The following ANKRD1 variants were observed in gnomAD, a reference collection of about 807,000 sequenced individuals.
ANKRD1 encodes the protein ankyrin repeat domain-containing protein 1.
ANKRD1 carries 32 observed loss-of-function variants against 40.1 expected under a neutral mutation model. That is an observed-to-expected ratio of 0.80 (90% CI 0.60 to 1.07). ANKRD1 has a LOEUF of 1.07. ANKRD1 is among the 50% of genes least tolerant of loss of function. ANKRD1 has a pLI of 0.00. For missense variants in ANKRD1, 359 were observed against 386.0 expected (o/e 0.93, Z 0.59); for synonymous variants, 149 against 141.2 (o/e 1.06, Z -0.39).
intron 4 of ANKRD1, 149 bp from the exon 5 acceptor site, chr10:90,917,979 A>T (rs1488360555): frequency 1.5e-6 from 1 of 669,846 alleles, no homozygotes; most frequent in Non-Finnish European, 2.6e-6. Flanking sequence ...AAGTTAACTA[A>T]AATTGCAGAA....
At chr10:90,914,866 A>G (rs1847353783) in intron 8 of ANKRD1, among the ~76,000 whole-genome samples, 2 of 152,270 alleles carry the variant, frequency 1.3e-5, no homozygotes, top group South Asian at 2.1e-4. Flanking sequence ...ACCATGAGGA[A>G]AAGTTGGTTA....
intron 6 of ANKRD1, 123 bp downstream of exon 6, chr10:90,916,048 G>A: frequency 1.7e-6 from 1 of 591,342 alleles, no homozygotes; most frequent in South Asian, 1.6e-5. Flanking sequence ...AGGGGTGGGG[G>A]AGGAGGGAAG....
chr10:90,918,417 C>T (rs569321576), intron 4 of ANKRD1, among the ~76,000 whole-genome samples: 10 of 152,142 alleles, frequency 6.6e-5, no homozygotes, highest in African/African-American at 2.4e-4. Flanking sequence ...ATAAGGAAAC[C>T]ACAGCCCAGA....
chr10:90,914,931 A>G (rs190839223), intron 8 of ANKRD1, among the ~76,000 whole-genome samples: 564 of 152,350 alleles, frequency 3.7e-3, no homozygotes, highest in Middle Eastern at 0.031. Context: ...AAGAATTTTC[A>G]GGGCCTAAAT....
Position 90,915,557 on chromosome 10 carries a change from T to C in ANKRD1, c.835A>G (p.Asn279Asp), listed in dbSNP as rs1847358989. The C allele has an allele frequency of 6.2e-7, 1 of 1,613,830 alleles. No individual in the cohort carries two copies. The highest frequency in any genetic ancestry group is 1.3e-5 in the African/African-American group (1 of 74,904). Residue 279 changes from asparagine (N) to aspartate (D), a missense_variant, in exon 8 of 9, where the codon AAC becomes GAC. Physicochemically the swap from Asn to Asp is conservative, Grantham distance 23. Coordinates refer to ENST00000371697, the MANE Select transcript of ANKRD1 (RefSeq NM_014391.3). ...RLLIMYGADL[N>D]IKNCAGKTPM... ...CCAGTACTTACACAGTTCTTGATGTTGAGATCCGCGCCATACATAATCAGG... is the reference window on the plus strand; with the variant it reads ...CCAGTACTTACACAGTTCTTGATGTCGAGATCCGCGCCATACATAATCAGG...
At position 90,915,822 on chromosome 10, in the gene ANKRD1, T is replaced by C. The variant is rs145326465; in HGVS notation, c.710A>G (p.His237Arg). 3.1e-6 allele frequency: 5 copies of C among 1,613,638 alleles called. No individual in the cohort carries two copies. Among genetic ancestry groups the C allele is most frequent in the Admixed American group, 1.7e-5 (1 of 59,980 alleles). Residue 237 changes from histidine to arginine, a missense_variant, in exon 7 of 9, where the codon CAT becomes CGT. By Grantham distance (29) the His-to-Arg change is conservative (BLOSUM62 0). Transcript: ENST00000371697. ...VRTGHYECAEHLIACEADLNA... is the reference protein window; with the variant it reads ...VRTGHYECAERLIACEADLNA... ...GAGGTCTGCCTCACAGGCGATAAGA[T>C]GCTCCGCGCACTCATAGTGGCCAGT...
In ANKRD1 at chr10:90,919,140, A is replaced by G; in HGVS notation, c.336T>C (p.Pro112=). 6.2e-7 allele frequency: 1 copy of G among 1,612,688 alleles called. No individual in the cohort carries two copies. The highest frequency in any genetic ancestry group is 8.5e-7 in the Non-Finnish European group (1 of 1,179,642). Residue 112 remains proline, a synonymous_variant, in exon 3 of 9, where the codon CCT becomes CCC. Coordinates refer to ENST00000371697, the MANE Select transcript of ANKRD1 (RefSeq NM_014391.3). ...AAAAAAAAGCCCTTACAATGATTTCAGGTTCTGGTTCCTTTACAACTGGAA... is the reference window on the plus strand; with the variant it reads ...AAAAAAAAGCCCTTACAATGATTTCGGGTTCTGGTTCCTTTACAACTGGAA... ...TKVPVVKEPE[P]EIITEPVDVP...
At chr10:90,913,944 A>G (rs1450785969) in intron 8 of ANKRD1, among the ~76,000 whole-genome samples, 1 of 152,172 alleles carries the variant, frequency 6.6e-6, no homozygotes, top group Non-Finnish European at 1.5e-5. Flanking sequence ...TAAAAGAGTT[A>G]TGTGCACAGA....
At chr10:90,919,915 A>G (rs545215090) in intron 2 of ANKRD1, among the ~76,000 whole-genome samples, 47 of 152,344 alleles carry the variant, frequency 3.1e-4, no homozygotes, top group African/African-American at 1.1e-3. Context: ...TCAGGAATTC[A>G]CTGGACATGT....
rs574967117 is a variant in ANKRD1 at position 90,919,043 on chromosome 10, G to T, written c.346-71C>A. 6.8e-5 allele frequency: 107 copies of T among 1,571,582 alleles called. 1 individual carries two copies. In the African/African-American group the frequency reaches 1.0e-3, roughly 15 times the overall value. ...CATGAGAGTTACCGTGAGCTTGCCA[G>T]CATTCAATCAAACCCTCCACAGATA... On this transcript the variant is annotated intron_variant, in intron 3 of 8. Transcript: ENST00000371697.
intron 6 of ANKRD1, 47 bp from the exon 7 acceptor site, chr10:90,915,927 G>T: frequency 6.4e-7 from 1 of 1,573,922 alleles, no homozygotes; most frequent in Non-Finnish European, 8.7e-7. Context: ...TGAGGACAGA[G>T]GCTGTCCCAG....
intron 8 of ANKRD1, 126 bp from the exon 9 acceptor site, chr10:90,913,102 A>T: frequency 2.2e-6 from 2 of 891,604 alleles, no homozygotes; most frequent in Non-Finnish European, 3.7e-6. Flanking sequence ...GGTTTCCACC[A>T]GGAGTGATCT....
At chr10:90,919,810 T>TAGC (rs1186277380) in intron 2 of ANKRD1, among the ~76,000 whole-genome samples, 1 of 152,238 alleles carries the variant, frequency 6.6e-6, no homozygotes, top group East Asian at 1.9e-4. Flanking sequence ...TCAACACAGA[T>TAGC]AGCAGACAGT....
chr10:90,913,271 T>C (rs1271462270), intron 8 of ANKRD1, among the ~76,000 whole-genome samples: 1 of 152,234 alleles, frequency 6.6e-6, no homozygotes, highest in East Asian at 1.9e-4. Context: ...TTTTGAAATT[T>C]ATAAAATGTC....
chr10:90,921,039 G>T lies in ANKRD1; in HGVS notation c.-12C>A. ...TTCAGTACCATCATGTTGGCTGAAG[G>T]AGTCTTGTATGTTTTTCTGTCGTGG... On this transcript the variant is annotated 5_prime_UTR_variant, in exon 1 of 9. Coordinates refer to ENST00000371697, the MANE Select transcript of ANKRD1 (RefSeq NM_014391.3). 2 of 1,613,910 alleles carry T rather than the reference G, an allele frequency of 1.2e-6. No homozygotes were observed. Among genetic ancestry groups the T allele is most frequent in the East Asian group, 2.2e-5 (1 of 44,878 alleles).
intron 5 of ANKRD1, among the ~76,000 whole-genome samples, chr10:90,917,396 G>A (rs991128034): frequency 1.3e-5 from 2 of 152,228 alleles, no homozygotes; most frequent in Non-Finnish European, 2.9e-5. Context: ...CCAACCATAA[G>A]CAGGCTGCCC....
rs562300152 is a variant in ANKRD1, at chr10:90,915,628, G to C, written c.764C>G (p.Pro255Arg). 1 of 1,613,780 alleles carries C rather than the reference G, an allele frequency of 6.2e-7. No individual in the cohort carries two copies. The highest frequency in any genetic ancestry group is 8.5e-7 in the Non-Finnish European group (1 of 1,179,934). The change falls in exon 8 of 9, where the codon CCG becomes CGG. Residue 255 changes from proline (P) to arginine (R), a missense_variant. By Grantham distance (103) the Pro-to-Arg change is moderately radical. Coordinates refer to ENST00000371697, the MANE Select transcript of ANKRD1 (RefSeq NM_014391.3). ...GTTCAGTCTCACCGCATCATGCAAC[G>C]GGGTATCTCCTTCCTAGAGAAGCAG... ...LNAKDREGDT[P>R]LHDAVRLNRY...
chr10:90,920,036 C>G (rs1393232442), intron 2 of ANKRD1, 133 bp downstream of exon 2: 27 of 1,283,018 alleles, frequency 2.1e-5, no homozygotes, highest in Non-Finnish European at 3.0e-5. Flanking sequence ...TACAAGTTGC[C>G]TCTTTACGGG....
intron 4 of ANKRD1, among the ~76,000 whole-genome samples, chr10:90,918,322 A>G (rs544539993): frequency 6.6e-6 from 1 of 152,272 alleles, no homozygotes; most frequent in East Asian, 1.9e-4. Context: ...TTTCTGATAA[A>G]TTGGCTTTAT....
Sources: allele counts gnomAD v4.1 joint callset (sites outside exome capture counted in the v4.1 genomes callset), GRCh38; gene constraint gnomAD v4.1.1; transcripts MANE v1.5; gene names NCBI Gene and HGNC (gene_info 2026-07-23, HGNC 2026-07-21).